The following NRG3 variants were observed in gnomAD, a reference collection of about 807,000 sequenced individuals.
The protein encoded by NRG3 is neuregulin 3, also known as pro-neuregulin-3, membrane-bound isoform.
In NRG3, 31 loss-of-function variants were observed where a neutral mutation model predicts 66.9. The observed-to-expected ratio is 0.46, with a 90% CI of 0.35 to 0.63. The LOEUF is 0.63. Ranked by LOEUF, NRG3 falls within the 20% of genes least tolerant of loss-of-function variation. NRG3 has a pLI of 0.00. For missense variants in NRG3, 910 were observed against 878.9 expected, an observed-to-expected ratio of 1.04 and a Z score of -0.45; for synonymous variants, 393 against 359.4, an observed-to-expected ratio of 1.09 and a Z score of -1.06.
chr10:82,288,393 C>T (rs1247618536), intron 1 of NRG3, among the ~76,000 whole-genome samples: 9 of 152,048 alleles, frequency 5.9e-5, no homozygotes, highest in Admixed American at 5.9e-4. Flanking sequence ...GGGCGCAAAG[C>T]TCAGAGGTGT....
At chr10:82,329,276 C>G (rs770171719) in intron 1 of NRG3, among the ~76,000 whole-genome samples, 1 of 151,636 alleles carries the variant, frequency 6.6e-6, no homozygotes, top group African/African-American at 2.4e-5. Context: ...GATTCTATAT[C>G]CATTGTGCTC....
chr10:82,209,041 A>C (rs1292280711), intron 1 of NRG3, among the ~76,000 whole-genome samples: 1 of 152,172 alleles, frequency 6.6e-6, no homozygotes, highest in East Asian at 1.9e-4. Context: ...AAAGAGAAAC[A>C]TTGATTACTC....
chr10:82,752,053 G>A (rs897129737), intron 3 of NRG3, among the ~76,000 whole-genome samples: 16 of 152,088 alleles, frequency 1.1e-4, no homozygotes, highest in African/African-American at 3.9e-4. Context: ...AGAGAGACTT[G>A]TTTAAGGTAA....
chr10:82,718,211 G>A (rs543533715), intron 2 of NRG3, among the ~76,000 whole-genome samples: 2 of 152,308 alleles, frequency 1.3e-5, no homozygotes, highest in East Asian at 3.9e-4. Context: ...GCCTAGGAGT[G>A]AGATGGTTTC....
At chr10:82,804,414 T>C (rs1004995900) in intron 3 of NRG3, among the ~76,000 whole-genome samples, 3 of 152,178 alleles carry the variant, frequency 2.0e-5, no homozygotes, top group Non-Finnish European at 4.4e-5. Flanking sequence ...ATTGCATTTG[T>C]GGGTGGAAGA....
chr10:82,200,526 G>A (rs544660730), intron 1 of NRG3, among the ~76,000 whole-genome samples: 1 of 152,282 alleles, frequency 6.6e-6, no homozygotes, highest in Admixed American at 6.5e-5. Context: ...AGGAATGAGG[G>A]GATAGGGATA....
intron 2 of NRG3, among the ~76,000 whole-genome samples, chr10:82,387,828 C>A (rs1415797989): frequency 6.6e-6 from 1 of 152,134 alleles, no homozygotes; most frequent in Admixed American, 6.6e-5. Flanking sequence ...CCAGAAATTA[C>A]ATTTGTTTCT....
At chr10:82,591,097 A>T (rs2046955672) in intron 2 of NRG3, among the ~76,000 whole-genome samples, 1 of 152,178 alleles carries the variant, frequency 6.6e-6, no homozygotes, top group African/African-American at 2.4e-5. Context: ...CACATTTCAT[A>T]TTCTTTTCAC....
At chr10:82,750,894 C>T (rs987390739) in intron 3 of NRG3, among the ~76,000 whole-genome samples, 1 of 152,058 alleles carries the variant, frequency 6.6e-6, no homozygotes, top group Non-Finnish European at 1.5e-5. Flanking sequence ...CATTAAGTGT[C>T]ATGACAAGAG....
At chr10:82,458,965 A>G (rs1015190149) in intron 2 of NRG3, among the ~76,000 whole-genome samples, 3 of 152,154 alleles carry the variant, frequency 2.0e-5, no homozygotes, top group African/African-American at 7.2e-5. Context: ...AGCCTCCTGC[A>G]TTGAGTCTCT....
intron 1 of NRG3, among the ~76,000 whole-genome samples, chr10:82,138,798 G>A (rs1408261112): frequency 6.6e-6 from 1 of 152,106 alleles, no homozygotes; most frequent in Non-Finnish European, 1.5e-5. Flanking sequence ...TAATGTTCAA[G>A]GGCAGGAAGC....
At chr10:82,981,819 G>A (rs531876788) in intron 8 of NRG3, among the ~76,000 whole-genome samples, 1 of 152,118 alleles carries the variant, frequency 6.6e-6, no homozygotes. Context: ...TCAAGCTAAT[G>A]TATTCATATG....
intron 4 of NRG3, among the ~76,000 whole-genome samples, chr10:82,900,095 A>G (rs1844063557): frequency 6.6e-6 from 1 of 152,122 alleles, no homozygotes; most frequent in Admixed American, 6.6e-5. Flanking sequence ...ATATGATGGG[A>G]GCAGGAGCAA....
chr10:82,530,553 T>G (rs904457113), intron 2 of NRG3, among the ~76,000 whole-genome samples: 9 of 152,008 alleles, frequency 5.9e-5, no homozygotes, highest in Non-Finnish European at 8.8e-5. Context: ...TAACTTTTTT[T>G]GGGAAACTCA....
intron 3 of NRG3, among the ~76,000 whole-genome samples, chr10:82,813,494 G>A (rs758322246): frequency 1.3e-5 from 2 of 152,136 alleles, no homozygotes; most frequent in African/African-American, 2.4e-5. Flanking sequence ...GATTACAGAT[G>A]TGAGCCACCG....
intron 1 of NRG3, among the ~76,000 whole-genome samples, chr10:82,343,145 T>TA (rs971303021): frequency 2.0e-5 from 3 of 151,836 alleles, no homozygotes; most frequent in South Asian, 4.2e-4. Flanking sequence ...GGTACTGGAA[T>TA]AAAAAAATAG....
intron 1 of NRG3, among the ~76,000 whole-genome samples, chr10:82,047,308 C>T (rs1002352453): frequency 1.3e-5 from 2 of 151,800 alleles, no homozygotes; most frequent in Non-Finnish European, 2.9e-5. Flanking sequence ...TCAGATTCAC[C>T]AAAGTTGAAA....
Position 81,927,676 on chromosome 10 carries a change from T to G in NRG3, c.823+51513T>G, listed in dbSNP as rs1452766137. Among the ~76,000 whole-genome samples, 5 of 152,184 alleles carry G rather than the reference T, an allele frequency of 3.3e-5. No homozygotes were observed. In the South Asian group the frequency reaches 1.0e-3, roughly 32 times the overall value. ...ACTCCCTCTCACCCTTGCCTTTAGT[T>G]TCCCCTAATTAACGTCTTGCATTGA... On this transcript the variant is annotated intron_variant, in intron 1 of 8. Transcript: ENST00000372141.
At chr10:82,875,471 TTTTAA>T (rs1368361532) in intron 4 of NRG3, among the ~76,000 whole-genome samples, 2 of 152,126 alleles carry the variant, frequency 1.3e-5, no homozygotes, top group Non-Finnish European at 2.9e-5. Flanking sequence ...CTTCTTCCCA[TTTTAA>T]CCTCCCCTGT....
Sources: gnomAD v4.1 joint callset for allele counts (sites outside exome capture counted in the v4.1 genomes callset) on GRCh38, gnomAD v4.1.1 for gene constraint, MANE v1.5 for transcripts, NCBI Gene and HGNC (gene_info 2026-07-23, HGNC 2026-07-21) for gene names.